Variants in RPH3A observed in about 807,000 individuals in gnomAD.
RPH3A encodes rabphilin 3A.
A neutral mutation model predicts 102.2 loss-of-function variants in RPH3A; 48 were observed. That is an observed-to-expected ratio of 0.47 (90% CI 0.37 to 0.60). The LOEUF (loss-of-function observed/expected upper bound fraction) is 0.60, where lower values mean the gene tolerates loss of function less well. Ranked by LOEUF, RPH3A falls within the 20% of genes least tolerant of loss-of-function variation. RPH3A has a pLI of 0.00. For synonymous variants in RPH3A, 310 were observed against 324.3 expected, an observed-to-expected ratio of 0.96 and a Z score of 0.47; for missense variants, 781 against 910.1, an observed-to-expected ratio of 0.86 and a Z score of 1.83.
intron 1 of RPH3A, among the ~76,000 whole-genome samples, chr12:112,773,976 T>C (rs1406168602): frequency 6.7e-6 from 1 of 149,164 alleles, no homozygotes; most frequent in Non-Finnish European, 1.5e-5. Context: ...CAGCTACTAC[T>C]TGGGAGGCTG....
intron 1 of RPH3A, among the ~76,000 whole-genome samples, chr12:112,598,713 G>A (rs570484396): frequency 1.3e-5 from 2 of 152,262 alleles, no homozygotes; most frequent in African/African-American, 2.4e-5. Context: ...CTGGCATGTC[G>A]TAAGTGCTTA....
intron 2 of RPH3A, among the ~76,000 whole-genome samples, chr12:112,817,758 C>A (rs550576434): frequency 4.6e-5 from 7 of 152,140 alleles, no homozygotes; most frequent in African/African-American, 1.7e-4. Flanking sequence ...TCTCAGCGGG[C>A]CTTAGTGGGG....
In RPH3A at chr12:112,667,662, A is replaced by AAGAG. The variant is rs71086114; in HGVS notation, c.-140+92399_-140+92402dup. ...CACCATTCATGGGCAGAGATGAATA[A>AAGAG]AGAGAGAGAGAGAGAGAGAGAGAGA... On this transcript the variant is annotated intron_variant, in intron 1 of 21. Coordinates refer to the RPH3A transcript ENST00000543106. Among the ~76,000 whole-genome samples the AAGAG allele has an allele frequency of 4.6e-3, 334 of 72,820 alleles. 11 individuals are homozygous for AAGAG. The highest frequency in any genetic ancestry group is 0.011 in the Middle Eastern group (1 of 92). 47.8% of individuals were successfully genotyped at this position (72,820 alleles called of 152,430 possible). A position where few individuals can be genotyped will look rare whatever the true frequency, so the allele number is the denominator to read the frequency against.
chr12:112,692,727 G>A (rs903805912), intron 1 of RPH3A, among the ~76,000 whole-genome samples: 1 of 152,200 alleles, frequency 6.6e-6, no homozygotes, highest in Non-Finnish European at 1.5e-5. Context: ...ATGTTCCCAG[G>A]TTACCCTTGA....
At chr12:112,677,588 C>A (rs2040189060) in intron 1 of RPH3A, among the ~76,000 whole-genome samples, 1 of 151,412 alleles carries the variant, frequency 6.6e-6, no homozygotes, top group African/African-American at 2.4e-5. Context: ...TTGTGAGCCA[C>A]CCCACCCTGC....
chr12:112,716,047 C>G (rs1053605688), intron 1 of RPH3A, among the ~76,000 whole-genome samples: 1 of 152,144 alleles, frequency 6.6e-6, no homozygotes, highest in African/African-American at 2.4e-5. Context: ...GGGAGTGTTT[C>G]TTAGCATGCT....
intron 1 of RPH3A, among the ~76,000 whole-genome samples, chr12:112,610,493 ACT>A (rs1305935021): frequency 1.5e-5 from 2 of 134,132 alleles, no homozygotes; most frequent in Non-Finnish European, 3.2e-5. Context: ...ACAGAGTGAG[ACT>A]CTGTCTCAAT....
chr12:112,729,093 C>T (rs549745675), intron 1 of RPH3A, among the ~76,000 whole-genome samples: 4 of 151,638 alleles, frequency 2.6e-5, no homozygotes, highest in African/African-American at 9.7e-5. Context: ...GTCATTTGGT[C>T]AGCAATTTTG....
At chr12:112,729,496 A>AT (rs371342456) in intron 1 of RPH3A, among the ~76,000 whole-genome samples, 3,585 of 149,032 alleles carry the variant, frequency 0.024, 126 homozygotes, top group African/African-American at 0.078. Context: ...TACAAAGGGA[A>AT]TTTTTTTTTT....
At position 112,596,083 on chromosome 12, in the gene RPH3A, T is replaced by C. The variant is rs547873515; in HGVS notation, c.-140+20764T>C. ...GGACGAAGGGTGGGTTCTCAAAACA[T>C]CATTGAGTGAGAAAAGCAAGATAGA... On this transcript the variant is annotated intron_variant, in intron 1 of 21. Coordinates refer to the RPH3A transcript ENST00000543106. 9.6e-4 allele frequency among the ~76,000 whole-genome samples: 146 copies of C among 152,290 alleles called. 1 individual carries two copies. Among genetic ancestry groups the C allele is most frequent in the African/African-American group, 3.4e-3 (143 of 41,564 alleles).
chr12:112,745,753 G>T (rs78772862), intron 1 of RPH3A, among the ~76,000 whole-genome samples: 4 of 152,174 alleles, frequency 2.6e-5, no homozygotes, highest in Middle Eastern at 3.2e-3. Context: ...GGAGAGGAGT[G>T]AGTGGGGAGT....
Position 112,879,153 on chromosome 12 carries a change from C to T in RPH3A, c.1206C>T (p.Tyr402=), listed in dbSNP as rs34905521. 385 of 1,614,132 alleles carry T rather than the reference C, an allele frequency of 2.4e-4. 1 individual carries two copies. In the African/African-American group the frequency reaches 3.0e-3, roughly 13 times the overall value. ...GTGCCCTGGAATTCAGCCTTCTCTA[C>T]GACCAGGACAACAGCTCCCTGCAGT... is the stretch of plus-strand genomic sequence containing the variant. ...TLGALEFSLL[Y]DQDNSSLQCT... The change falls in exon 14 of 22, where the codon TAC becomes TAT. Residue 402 remains tyrosine (Y), a synonymous_variant. Transcript: ENST00000389385.
chr12:112,891,873 G>A (rs1341418487), intron 19 of RPH3A, among the ~76,000 whole-genome samples: 1 of 152,206 alleles, frequency 6.6e-6, no homozygotes, highest in East Asian at 1.9e-4. Flanking sequence ...TCTGCCAGGT[G>A]CAATCTCATA....
chr12:112,843,417 T>G (rs2042178769), intron 4 of RPH3A, among the ~76,000 whole-genome samples: 1 of 152,116 alleles, frequency 6.6e-6, no homozygotes, highest in Non-Finnish European at 1.5e-5. Flanking sequence ...GGGAAGGGTT[T>G]GGAAAGGTGC....
chr12:112,842,962 C>A (rs560131896), intron 4 of RPH3A, among the ~76,000 whole-genome samples: 1 of 152,318 alleles, frequency 6.6e-6, no homozygotes, highest in Middle Eastern at 3.4e-3. Context: ...GGATTCCACT[C>A]ATTAACTCTG....
At chr12:112,598,323 G>A (rs573193583) in intron 1 of RPH3A, among the ~76,000 whole-genome samples, 55 of 152,280 alleles carry the variant, frequency 3.6e-4, no homozygotes, top group East Asian at 2.3e-3. Context: ...GAGAACAGAC[G>A]TTGTCAATTC....
At chr12:112,866,706 C>T in intron 6 of RPH3A, 51 bp from the exon 7 acceptor site, 1 of 1,497,410 alleles carries the variant, frequency 6.7e-7, no homozygotes, top group Non-Finnish European at 9.2e-7. Flanking sequence ...CGTTGCCATG[C>T]CTCCCATGAG....
intron 1 of RPH3A, among the ~76,000 whole-genome samples, chr12:112,740,622 C>G (rs1250636033): frequency 6.6e-6 from 1 of 152,214 alleles, no homozygotes; most frequent in African/African-American, 2.4e-5. Flanking sequence ...GAAACAGAAG[C>G]TCATCTTACA....
At chr12:112,671,460 T>C (rs898901194) in intron 1 of RPH3A, among the ~76,000 whole-genome samples, 2 of 152,184 alleles carry the variant, frequency 1.3e-5, no homozygotes, top group Admixed American at 1.3e-4. Context: ...GCATACCTCT[T>C]CCCTTTAAAA....
Sources: gnomAD v4.1 joint callset for allele counts (sites outside exome capture counted in the v4.1 genomes callset) on GRCh38, gnomAD v4.1.1 for gene constraint, MANE v1.5 for transcripts, NCBI Gene and HGNC (gene_info 2026-07-23, HGNC 2026-07-21) for gene names.